Variants in ARHGAP8 observed in about 807,000 individuals in gnomAD.
ARHGAP8 encodes rho GTPase-activating protein 8.
ARHGAP8 carries 62 observed loss-of-function variants against 46.1 expected under a neutral mutation model. The ratio of observed to expected loss-of-function variants is 1.34; its 90% CI spans 1.10 to 1.66. The LOEUF (loss-of-function observed/expected upper bound fraction) is 1.66, where lower values mean the gene tolerates loss of function less well. Ranked by LOEUF, ARHGAP8 falls within the 40% of genes most tolerant of loss-of-function variation. ARHGAP8 has a pLI of 0.00. For synonymous variants in ARHGAP8, 375 were observed against 243.1 expected (o/e 1.54, Z -5.05); for missense variants, 923 against 568.4 (o/e 1.62, Z -6.34).
chr22:44,816,407 C>T (rs1331623450), intron 5 of ARHGAP8, among the ~76,000 whole-genome samples: 2 of 152,154 alleles, frequency 1.3e-5, no homozygotes, highest in South Asian at 2.1e-4. Flanking sequence ...AGCCGTCTCC[C>T]GCCCCAAGGG....
rs139142675 is a variant in ARHGAP8 at position 44,776,321 on chromosome 22, G to A, written c.-71-10136G>A. On this transcript the variant is annotated intron_variant, in intron 1 of 11. Transcript: ENST00000356099. ...CAAAAAATTAGCCGAGCATGGTGGCGGGTACCTGTAATCCCAGCTACTCGG... is the reference window on the plus strand; with the variant it reads ...CAAAAAATTAGCCGAGCATGGTGGCAGGTACCTGTAATCCCAGCTACTCGG... Among the ~76,000 whole-genome samples the A allele has an allele frequency of 3.9e-3, 593 of 152,156 alleles. 5 individuals are homozygous for A. Among genetic ancestry groups the A allele is most frequent in the African/African-American group, 0.013 (560 of 41,502 alleles).
At chr22:44,783,758 G>A (rs1927017229) in intron 1 of ARHGAP8, among the ~76,000 whole-genome samples, 2 of 152,168 alleles carry the variant, frequency 1.3e-5, no homozygotes, top group African/African-American at 4.8e-5. Flanking sequence ...AGGTCAAGGC[G>A]TTGGCGGCCG....
chr22:44,771,657 C>G (rs1018226472), intron 1 of ARHGAP8, among the ~76,000 whole-genome samples: 1 of 151,872 alleles, frequency 6.6e-6, no homozygotes, highest in African/African-American at 2.4e-5. Flanking sequence ...CGGGTTCAAG[C>G]GATTCTCCTG....
intron 1 of ARHGAP8, among the ~76,000 whole-genome samples, chr22:44,763,811 T>A (rs546951608): frequency 9.4e-5 from 14 of 149,368 alleles, no homozygotes; most frequent in Middle Eastern, 3.4e-3. Context: ...TCTTTTTTTT[T>A]TTTTTTTGAG....
At chr22:44,859,556 C>G (rs4504112) in intron 10 of ARHGAP8, 175 bp from the exon 11 acceptor site, 150,728 of 636,738 alleles carry the variant, frequency 0.24, 19,832 homozygotes, top group Admixed American at 0.28. Flanking sequence ...GCCAAACACA[C>G]AGGTTTGCTG....
At chr22:44,842,113 C>G (rs1052448868) in intron 7 of ARHGAP8, among the ~76,000 whole-genome samples, 1 of 152,234 alleles carries the variant, frequency 6.6e-6, no homozygotes, top group African/African-American at 2.4e-5. Context: ...AATCCCAGCA[C>G]TTTGGGAGGC....
chr22:44,849,297 G>A (rs778033561), intron 10 of ARHGAP8: 2 of 655,322 alleles, frequency 3.1e-6, no homozygotes, highest in Non-Finnish European at 4.9e-6. Context: ...GTCCAGGCCG[G>A]TCTCTCAGGC....
chr22:44,804,046 G>A (rs968464430), intron 3 of ARHGAP8, among the ~76,000 whole-genome samples: 3 of 151,310 alleles, frequency 2.0e-5, no homozygotes, highest in East Asian at 4.0e-4. Flanking sequence ...GCGTGGGCCC[G>A]GGCCTCACGC....
At chr22:44,778,711 A>G (rs1373697043) in intron 1 of ARHGAP8, among the ~76,000 whole-genome samples, 2 of 152,138 alleles carry the variant, frequency 1.3e-5, no homozygotes, top group South Asian at 2.1e-4. Flanking sequence ...TTTTTTGATT[A>G]TGGCCATTCT....
intron 10 of ARHGAP8, among the ~76,000 whole-genome samples, chr22:44,858,551 T>TTTTTTTTTTTA (rs397964298): frequency 4.2e-5 from 5 of 117,912 alleles, no homozygotes; most frequent in Non-Finnish European, 7.3e-5. Flanking sequence ...TTTTTTTTTT[T>TTTTTTTTTTTA]AAGTAACAGG....
At chr22:44,788,408 C>G (rs1459077579) in intron 2 of ARHGAP8, among the ~76,000 whole-genome samples, 2 of 152,018 alleles carry the variant, frequency 1.3e-5, no homozygotes, top group Admixed American at 1.3e-4. Context: ...CATGAGCCAC[C>G]ATCCCTGGAC....
At chr22:44,859,249 C>G (rs143568245) in intron 10 of ARHGAP8, among the ~76,000 whole-genome samples, 1,833 of 152,228 alleles carry the variant, frequency 0.012, 49 homozygotes, top group African/African-American at 0.042. Flanking sequence ...GAGGTGGGGA[C>G]TGGTGGCAGG....
rs762799138 is a variant in ARHGAP8 at position 44,848,927 on chromosome 22, T to TGC, written c.749-4_749-3dup. The TGC allele has an allele frequency of 2.5e-6, 4 of 1,614,066 alleles. No homozygotes were observed. In the South Asian group the frequency reaches 4.4e-5, roughly 18 times the overall value. ...GACCTCAGCAGTGCTGTGTTGTGTG[T>TGC]GCAGGGAAGCCCGTGAACTTTGACG... On this transcript the variant is annotated splice_region_variant and splice_polypyrimidine_tract_variant and intron_variant, in intron 9 of 11. Coordinates refer to ENST00000356099, the MANE Select transcript of ARHGAP8 (RefSeq NM_181335.3).
At position 44,773,145 on chromosome 22, in the gene ARHGAP8, C is replaced by T. The variant is rs115373357; in HGVS notation, c.-71-13312C>T. On this transcript the variant is annotated intron_variant, in intron 1 of 11. Transcript: ENST00000356099. Reference sequence around the variant, plus strand: ...AGCTTTTCTTAACAAATTTGACTTACGTACTAGATAGTGGGCTATTCAGGT... The same window carrying T: ...AGCTTTTCTTAACAAATTTGACTTATGTACTAGATAGTGGGCTATTCAGGT... Among the ~76,000 whole-genome samples, 293 of 152,158 alleles carry T rather than the reference C, an allele frequency of 1.9e-3. 1 individual carries two copies. Among genetic ancestry groups the T allele is most frequent in the African/African-American group, 5.8e-3 (240 of 41,520 alleles).
chr22:44,804,051 T>A (rs1233165042), intron 3 of ARHGAP8, among the ~76,000 whole-genome samples: 1 of 151,386 alleles, frequency 6.6e-6, no homozygotes, highest in Non-Finnish European at 1.5e-5. Flanking sequence ...GGCCCGGGCC[T>A]CACGCCCTCT....
At chr22:44,827,344 T>TTTTTTTG (rs1930603434) in intron 7 of ARHGAP8, among the ~76,000 whole-genome samples, 2 of 117,086 alleles carry the variant, frequency 1.7e-5, no homozygotes, top group African/African-American at 3.7e-5. Context: ...TGGTTTTTTT[T>TTTTTTTG]TTTTTTTTTT....
intron 2 of ARHGAP8, among the ~76,000 whole-genome samples, chr22:44,791,452 C>T (rs1231954083): frequency 6.6e-6 from 1 of 152,022 alleles, no homozygotes. Flanking sequence ...GCCTGTAATC[C>T]CAGCACTTTG....
At chr22:44,850,422 C>T (rs1007645669) in intron 10 of ARHGAP8, 3 of 152,240 alleles carry the variant, frequency 2.0e-5, no homozygotes, top group African/African-American at 2.4e-5. Context: ...TCCTACCAGC[C>T]GGGGCCAGAG....
intron 8 of ARHGAP8, among the ~76,000 whole-genome samples, chr22:44,847,317 T>G (rs899033783): frequency 4.6e-5 from 7 of 152,184 alleles, no homozygotes; most frequent in Non-Finnish European, 1.0e-4. Context: ...GAGACAAGTT[T>G]TCTTCTTTGA....
Sources: allele counts gnomAD v4.1 joint callset (sites outside exome capture counted in the v4.1 genomes callset), GRCh38; gene constraint gnomAD v4.1.1; transcripts MANE v1.5; gene names NCBI Gene and HGNC (gene_info 2026-07-23, HGNC 2026-07-21).